Variants in AGAP1 observed in about 807,000 individuals in gnomAD.
AGAP1 encodes the protein arf-GAP with GTPase, ANK repeat and PH domain-containing protein 1.
In AGAP1, 29 loss-of-function variants were observed where a neutral mutation model predicts 105.3. The ratio of observed to expected loss-of-function variants is 0.28; its 90% confidence interval spans 0.21 to 0.38. The LOEUF is 0.38. Ranked by LOEUF, AGAP1 falls within the 10% of genes least tolerant of loss-of-function variation. AGAP1 has a pLI of 1.00. For synonymous variants in AGAP1, 509 were observed against 485.9 expected (o/e 1.05, Z -0.63); for missense variants, 998 against 1,165.1 (o/e 0.86, Z 2.09).
chr2:236,051,878 G>T lies in AGAP1; in HGVS notation c.2114+2597G>T, dbSNP rs141492901. 1.3e-5 allele frequency among the ~76,000 whole-genome samples: 2 copies of T among 152,248 alleles called. No individual in the cohort carries two copies. The highest frequency in any genetic ancestry group is 3.9e-4 in the East Asian group (2 of 5,182). On this transcript the variant is annotated intron_variant, in intron 16 of 17. Transcript: ENST00000304032. This position sits in a 1 kb window ranked among gnomAD's most constrained non-coding sequence, Gnocchi z 5.9. ...GTCCAAAGCAAAACACACCCAGCCC[G>T]ATAACAGAGTAGAAATTCAGACTCC...
chr2:235,570,168 C>G (rs1218945480), intron 1 of AGAP1, among the ~76,000 whole-genome samples: 1 of 152,196 alleles, frequency 6.6e-6, no homozygotes, highest in South Asian at 2.1e-4. Flanking sequence ...GTGCCCAGTT[C>G]CATGAGAAGG....
At chr2:235,856,906 C>A (rs1345780468) in intron 9 of AGAP1, among the ~76,000 whole-genome samples, 1 of 152,228 alleles carries the variant, frequency 6.6e-6, no homozygotes, top group Non-Finnish European at 1.5e-5. Context: ...TCCCACGCTG[C>A]GGTCCGGTTG....
intron 11 of AGAP1, among the ~76,000 whole-genome samples, chr2:235,912,686 T>C (rs1236076062): frequency 1.3e-5 from 2 of 152,238 alleles, no homozygotes; most frequent in African/African-American, 2.4e-5. Context: ...GGTATAACCA[T>C]TTACAGGGTT....
rs925853325 is a variant in AGAP1, at chr2:236,123,471, A to T, written c.2371-448A>T. The stretch of plus-strand genomic sequence containing the variant: ...TGTACATATACATGTAGATTCAAAG[A>T]AAACTCATTGAAAGGAAATACACTA... On this transcript the variant is annotated intron_variant, in intron 17 of 17. Transcript: ENST00000304032. This position sits in a 1 kb window ranked among gnomAD's most constrained non-coding sequence, Gnocchi z 4.6. Among the ~76,000 whole-genome samples, 16 of 152,246 alleles carry T rather than the reference A, an allele frequency of 1.1e-4. No homozygotes were observed. The highest frequency in any genetic ancestry group is 3.9e-4 in the African/African-American group (16 of 41,460).
Position 235,967,400 on chromosome 2 carries a change from T to TA in AGAP1, c.1484-1061dup, listed in dbSNP as rs202224808. On this transcript the variant is annotated intron_variant, in intron 12 of 17. Coordinates refer to ENST00000304032, the MANE Select transcript of AGAP1 (RefSeq NM_001037131.3). This position sits in a 1 kb window ranked among gnomAD's most constrained non-coding sequence, Gnocchi z 4.7. ...CCTATTCGGTCTTTCCCATAACTCT[T>TA]ACCAGCTTCTGATGGACTCCAGGTT... 4.5e-3 allele frequency among the ~76,000 whole-genome samples: 684 copies of TA among 152,326 alleles called. 13 individuals are homozygous for TA. Among genetic ancestry groups the TA allele is most frequent in the Admixed American group, 0.038 (582 of 15,296 alleles).
At chr2:235,583,770 G>A (rs1167473280) in intron 1 of AGAP1, among the ~76,000 whole-genome samples, 1 of 151,656 alleles carries the variant, frequency 6.6e-6, no homozygotes. Context: ...CCAGCTACTC[G>A]GGAGGCTGAG....
At chr2:235,853,499 T>G (rs868088507) in intron 9 of AGAP1, among the ~76,000 whole-genome samples, 96 of 152,292 alleles carry the variant, frequency 6.3e-4, no homozygotes, top group African/African-American at 2.2e-3. Flanking sequence ...TCTTCTACAG[T>G]CAGTGTTTTA....
intron 6 of AGAP1, among the ~76,000 whole-genome samples, chr2:235,794,536 A>G (rs943730317): frequency 6.6e-6 from 1 of 152,124 alleles, no homozygotes; most frequent in African/African-American, 2.4e-5. Context: ...CAGTGGCATG[A>G]TCTTGGCTCA....
intron 13 of AGAP1, among the ~76,000 whole-genome samples, chr2:236,023,366 C>T (rs374953539): frequency 6.8e-4 from 103 of 152,266 alleles, no homozygotes; most frequent in African/African-American, 2.4e-3. Flanking sequence ...GGCACCAGTC[C>T]GTCGATGGCA....
At position 236,123,436 on chromosome 2, in the gene AGAP1, A is replaced by G. The variant is rs2059947336; in HGVS notation, c.2371-483A>G. ...AAATACAAATTATTTGTACAGTCTT[A>G]TCTCAATTATGTACATATACATGTA... On this transcript the variant is annotated intron_variant, in intron 17 of 17. Transcript: ENST00000304032. This position sits in a 1 kb window ranked among gnomAD's most constrained non-coding sequence, Gnocchi z 4.6. Among the ~76,000 whole-genome samples the G allele has an allele frequency of 2.6e-5, 4 of 152,216 alleles. No homozygotes were observed. The highest frequency in any genetic ancestry group is 9.7e-5 in the African/African-American group (4 of 41,446).
chr2:235,908,586 A>G lies in AGAP1; in HGVS notation c.1156-152A>G. The G allele has an allele frequency of 4.6e-6, 3 of 648,652 alleles. No homozygotes were observed. The highest frequency in any genetic ancestry group is 5.1e-6 in the Non-Finnish European group (2 of 393,562). The allele number at this position is 648,652 out of a possible 1,614,324, so 40.2% of individuals were successfully genotyped here. On this transcript the variant is annotated intron_variant, in intron 10 of 17. Coordinates refer to ENST00000304032, the MANE Select transcript of AGAP1 (RefSeq NM_001037131.3). The surrounding 1 kb of genome is among the most constrained non-coding windows in gnomAD (Gnocchi z 4.4). ...ATAATAATGATGTTACCAGTACTCT[A>G]TAGATAAAAATCTCATGATTTTTAA...
At chr2:235,547,172 A>AC (rs1943652266) in intron 1 of AGAP1, among the ~76,000 whole-genome samples, 1 of 152,116 alleles carries the variant, frequency 6.6e-6, no homozygotes, top group Non-Finnish European at 1.5e-5. Context: ...GCTTTGGGAC[A>AC]CCATCAACTC....
At position 235,879,948 on chromosome 2, in the gene AGAP1, CAG is replaced by C. The variant is rs1411401166; in HGVS notation, c.1051-3395_1051-3394del. Among the ~76,000 whole-genome samples, 1 of 151,740 alleles carries C rather than the reference CAG, an allele frequency of 6.6e-6. No individual in the cohort carries two copies. Among genetic ancestry groups the C allele is most frequent in the African/African-American group, 2.4e-5 (1 of 41,264 alleles). On this transcript the variant is annotated intron_variant, in intron 9 of 17. Coordinates refer to ENST00000304032, the MANE Select transcript of AGAP1 (RefSeq NM_001037131.3). The surrounding 1 kb of genome is among the most constrained non-coding windows in gnomAD (Gnocchi z 5.0). Reference sequence around the variant, plus strand: ...AGCGAGACCTTATCTCTACAAAAAACAGAAATAAAAAAATTAGCCGAACAGGA... The same window carrying C: ...AGCGAGACCTTATCTCTACAAAAAACAAATAAAAAAATTAGCCGAACAGGA...
Position 236,003,128 on chromosome 2 carries a change from T to C in AGAP1, c.1646-33433T>C, listed in dbSNP as rs1331781290. Among the ~76,000 whole-genome samples, 1 of 152,202 alleles carries C rather than the reference T, an allele frequency of 6.6e-6. No homozygotes were observed. Among genetic ancestry groups the C allele is most frequent in the African/African-American group, 2.4e-5 (1 of 41,444 alleles). On this transcript the variant is annotated intron_variant, in intron 13 of 17. Coordinates refer to ENST00000304032, the MANE Select transcript of AGAP1 (RefSeq NM_001037131.3). This position sits in a 1 kb window ranked among gnomAD's most constrained non-coding sequence, Gnocchi z 4.2. ...CACGGTCTCAGCTCTTACTGCAGCC[T>C]CTGCCTCCCAGGTTCAAGCAGTTCT...
chr2:235,815,996 G>C (rs938316453), intron 9 of AGAP1, among the ~76,000 whole-genome samples: 1 of 152,172 alleles, frequency 6.6e-6, no homozygotes, highest in Non-Finnish European at 1.5e-5. Context: ...CCTGTAGCTG[G>C]GGATGTTCAG....
At chr2:235,685,916 G>A (rs1385469682) in intron 1 of AGAP1, among the ~76,000 whole-genome samples, 1 of 152,138 alleles carries the variant, frequency 6.6e-6, no homozygotes, top group East Asian at 1.9e-4. Context: ...ATAAACATTG[G>A]TTAGGTCCAG....
rs962695279 is a variant in AGAP1, at chr2:236,095,287, C to T, written c.2115-24905C>T. Among the ~76,000 whole-genome samples, 15 of 152,134 alleles carry T rather than the reference C, an allele frequency of 9.9e-5. No individual in the cohort carries two copies. Among genetic ancestry groups the T allele is most frequent in the African/African-American group, 3.6e-4 (15 of 41,430 alleles). ...TTGCATGCACCTGTGGTCCCAGCTA[C>T]TCGGGAGGCTGAGGTGGGAGGATCA... On this transcript the variant is annotated intron_variant, in intron 16 of 17. Coordinates refer to ENST00000304032, the MANE Select transcript of AGAP1 (RefSeq NM_001037131.3). The surrounding 1 kb of genome is among the most constrained non-coding windows in gnomAD (Gnocchi z 4.1).
intron 16 of AGAP1, among the ~76,000 whole-genome samples, chr2:236,116,876 TC>T (rs1371304623): frequency 6.6e-6 from 1 of 152,184 alleles, no homozygotes; most frequent in Non-Finnish European, 1.5e-5. Flanking sequence ...TGAGTTACTT[TC>T]CTTAGAATAA....
intron 9 of AGAP1, among the ~76,000 whole-genome samples, chr2:235,812,429 C>T (rs2150117986): frequency 6.6e-6 from 1 of 152,348 alleles, no homozygotes; most frequent in East Asian, 1.9e-4. Flanking sequence ...AAAGGAACCT[C>T]TGGAGTTAAT....
Sources: allele counts gnomAD v4.1 joint callset (sites outside exome capture counted in the v4.1 genomes callset), GRCh38; gene constraint gnomAD v4.1.1; non-coding constraint Gnocchi (gnomAD v3.1); transcripts MANE v1.5; gene names NCBI Gene and HGNC (gene_info 2026-07-23, HGNC 2026-07-21).